SPTBN1: variants seen among roughly 807,000 people sequenced by gnomAD.
SPTBN1 encodes the protein spectrin beta chain, non-erythrocytic 1.
SPTBN1 carries 32 observed loss-of-function variants against 266.4 expected under a neutral mutation model. The ratio of observed to expected loss-of-function variants is 0.12; its 90% CI spans 0.09 to 0.16. The LOEUF is 0.16. Among genes scored for constraint, SPTBN1 ranks in the 10% least tolerant of loss-of-function variants. The pLI is 1.00. For synonymous variants in SPTBN1, 1,336 were observed against 1,162.2 expected, an observed-to-expected ratio of 1.15 and a Z score of -3.04; for missense variants, 2,296 against 3,067.1, an observed-to-expected ratio of 0.75 and a Z score of 5.94.
chr2:54,553,103 T>C (rs1239633154), intron 2 of SPTBN1, among the ~76,000 whole-genome samples: 3 of 152,374 alleles, frequency 2.0e-5, no homozygotes, highest in East Asian at 1.9e-4. Flanking sequence ...CTTCTGTCTT[T>C]TCTTTTTTGC....
intron 1 of SPTBN1, chr2:54,515,637 T>G (rs535335059): frequency 1.3e-5 from 2 of 152,298 alleles, no homozygotes; most frequent in South Asian, 4.2e-4. Context: ...GCTCAAGTGA[T>G]CCTCCCATTT....
intron 2 of SPTBN1, among the ~76,000 whole-genome samples, chr2:54,590,556 C>T (rs937781103): frequency 2.6e-5 from 4 of 152,180 alleles, no homozygotes; most frequent in African/African-American, 9.6e-5. Context: ...AGATGAGAGA[C>T]CACATCCCAT....
At chr2:54,630,093 C>T (rs1178371670) in intron 15 of SPTBN1, 64 bp downstream of exon 15, 4 of 1,564,338 alleles carry the variant, frequency 2.6e-6, no homozygotes, top group Non-Finnish European at 3.5e-6. Flanking sequence ...TGAGGTCACT[C>T]ATCGAGCTTT....
chr2:54,602,194 T>C (rs1033687457), intron 3 of SPTBN1, among the ~76,000 whole-genome samples: 1 of 152,196 alleles, frequency 6.6e-6, no homozygotes, highest in Non-Finnish European at 1.5e-5. Context: ...TCCATAAAGG[T>C]CTCACTTGAA....
intron 2 of SPTBN1, among the ~76,000 whole-genome samples, chr2:54,577,556 A>G (rs10180713): frequency 0.8 from 122,049 of 152,204 alleles, 49,618 homozygotes; most frequent in African/African-American, 0.94. Context: ...GGTAATAGCC[A>G]CCAAAACTTC....
intron 18 of SPTBN1, among the ~76,000 whole-genome samples, chr2:54,642,534 T>G (rs972899776): frequency 2.6e-5 from 4 of 151,312 alleles, no homozygotes; most frequent in African/African-American, 4.9e-5. Context: ...AAGTAGTTTT[T>G]TTTTTTTTTT....
At chr2:54,457,149 G>T in intron 1 of SPTBN1, 1 of 54,048 alleles carries the variant, frequency 1.9e-5, no homozygotes, top group Non-Finnish European at 3.4e-5. Flanking sequence ...ACCCTCGTGC[G>T]CCCGCCCCCC....
At chr2:54,635,559 AT>A (rs1558453439) in intron 17 of SPTBN1, among the ~76,000 whole-genome samples, 1 of 152,224 alleles carries the variant, frequency 6.6e-6, no homozygotes, top group African/African-American at 2.4e-5. Flanking sequence ...TACATTCAGG[AT>A]TCTGTATGGT....
At chr2:54,497,017 A>G (rs921453218) in intron 1 of SPTBN1, among the ~76,000 whole-genome samples, 5 of 152,234 alleles carry the variant, frequency 3.3e-5, no homozygotes, top group Non-Finnish European at 7.3e-5. Context: ...ATATGCGCAT[A>G]TGTTTATGGA....
chr2:54,659,892 CTCT>C lies in SPTBN1; in HGVS notation c.6357-38_6357-36del, dbSNP rs893929223. The C allele has an allele frequency of 2.5e-6, 4 of 1,593,622 alleles. No homozygotes were observed. In the African/African-American group the frequency reaches 5.4e-5, roughly 21 times the overall value. ...CCTTTCTTACTGTTTCCTCTTTCTC[CTCT>C]TCTTCCTTTCCCTTCCTCCTTTTCC... On this transcript the variant is annotated intron_variant, in intron 31 of 35. Coordinates refer to ENST00000356805, the MANE Select transcript of SPTBN1 (RefSeq NM_003128.3).
At chr2:54,621,090 G>T (rs1432648049) in intron 7 of SPTBN1, among the ~76,000 whole-genome samples, 1 of 152,172 alleles carries the variant, frequency 6.6e-6, no homozygotes, top group African/African-American at 2.4e-5. Context: ...ATTGACAGGG[G>T]GCGGTGCTGG....
intron 23 of SPTBN1, 25 bp from the exon 24 acceptor site, chr2:54,647,106 T>C (rs780880655): frequency 1.9e-6 from 3 of 1,613,988 alleles, no homozygotes; most frequent in South Asian, 2.2e-5. Context: ...ACCGCTATGG[T>C]TGTGATGTTC....
intron 1 of SPTBN1, among the ~76,000 whole-genome samples, chr2:54,481,837 G>GT (rs1420984581): frequency 6.6e-6 from 1 of 152,100 alleles, no homozygotes; most frequent in East Asian, 1.9e-4. Flanking sequence ...TTGTTAACTG[G>GT]TAACTTTCCA....
intron 1 of SPTBN1, among the ~76,000 whole-genome samples, chr2:54,461,619 T>C (rs1156465949): frequency 6.6e-6 from 1 of 152,258 alleles, no homozygotes; most frequent in Non-Finnish European, 1.5e-5. Context: ...CATACCAGGC[T>C]TGAAAATCTT....
At chr2:54,586,644 G>T (rs1479290562) in intron 2 of SPTBN1, among the ~76,000 whole-genome samples, 1 of 152,182 alleles carries the variant, frequency 6.6e-6, no homozygotes, top group Non-Finnish European at 1.5e-5. Context: ...ACAGCTCTGT[G>T]TGGTGGCTTT....
At chr2:54,566,097 A>G (rs968276610) in intron 2 of SPTBN1, among the ~76,000 whole-genome samples, 7 of 152,140 alleles carry the variant, frequency 4.6e-5, no homozygotes, top group African/African-American at 1.7e-4. Context: ...TCTCTTGACA[A>G]CTTTCTATCA....
chr2:54,636,325 C>T (rs1679129388), intron 17 of SPTBN1, among the ~76,000 whole-genome samples: 1 of 152,118 alleles, frequency 6.6e-6, no homozygotes, highest in East Asian at 1.9e-4. Flanking sequence ...TTTTTATTTA[C>T]AATAATTGTA....
chr2:54,600,382 T>C (rs1676417710), intron 3 of SPTBN1, among the ~76,000 whole-genome samples: 1 of 152,208 alleles, frequency 6.6e-6, no homozygotes, highest in Non-Finnish European at 1.5e-5. Flanking sequence ...TTCCTGAGCA[T>C]GTAGGTCTTG....
At chr2:54,651,608 A>G (rs1680296563) in intron 26 of SPTBN1, among the ~76,000 whole-genome samples, 1 of 152,212 alleles carries the variant, frequency 6.6e-6, no homozygotes, top group African/African-American at 2.4e-5. Context: ...TTGAGTGGTT[A>G]TGCAAAGCAA....
Sources: allele counts gnomAD v4.1 joint callset (sites outside exome capture counted in the v4.1 genomes callset), GRCh38; gene constraint gnomAD v4.1.1; transcripts MANE v1.5; gene names NCBI Gene and HGNC (gene_info 2026-07-23, HGNC 2026-07-21).